KIF13B: variants seen among roughly 807,000 people sequenced by gnomAD.
The protein encoded by KIF13B is kinesin-like protein KIF13B.
Under a neutral mutation model 222.0 loss-of-function variants are expected in KIF13B, and 127 were observed. That is an observed-to-expected ratio of 0.57 (90% CI 0.50 to 0.66). The LOEUF (loss-of-function observed/expected upper bound fraction) is 0.66, where lower values mean the gene tolerates loss of function less well. Ranked by LOEUF, KIF13B falls within the 30% of genes least tolerant of loss-of-function variation. The probability of loss-of-function intolerance (pLI) is 0.00; values close to 1 mark genes in which losing one functional copy is unlikely to be tolerated. For missense variants in KIF13B, 2,173 were observed against 2,379.0 expected (o/e 0.91, Z 1.80); for synonymous variants, 976 against 919.0 (o/e 1.06, Z -1.12).
intron 38 of KIF13B, among the ~76,000 whole-genome samples, chr8:29,073,737 A>G (rs1053535572): frequency 4.6e-5 from 7 of 152,178 alleles, no homozygotes; most frequent in Non-Finnish European, 5.9e-5. Flanking sequence ...AGCTTGATAA[A>G]TCATGCGTTT....
chr8:29,075,034 T>C (rs1375810192), intron 38 of KIF13B, among the ~76,000 whole-genome samples: 3 of 152,266 alleles, frequency 2.0e-5, no homozygotes, highest in Non-Finnish European at 2.9e-5. Context: ...AGCTGTGGGC[T>C]ATTAAGGCAG....
chr8:29,209,673 A>G (rs1344314694), intron 2 of KIF13B, among the ~76,000 whole-genome samples: 22 of 152,160 alleles, frequency 1.4e-4, no homozygotes, highest in Admixed American at 1.4e-3. Context: ...GAACTGGCAC[A>G]AGCTTTGGAC....
At chr8:29,244,971 T>A (rs183874162) in intron 2 of KIF13B, among the ~76,000 whole-genome samples, 67 of 152,332 alleles carry the variant, frequency 4.4e-4, no homozygotes, top group African/African-American at 1.6e-3. Context: ...AAGATAGCAC[T>A]TGAAATGGGC....
intron 8 of KIF13B, among the ~76,000 whole-genome samples, chr8:29,179,394 G>A (rs1478097488): frequency 1.3e-5 from 2 of 152,228 alleles, no homozygotes; most frequent in Non-Finnish European, 1.5e-5. Context: ...TGGGATTACA[G>A]GTGTGAGGCA....
chr8:29,188,271 T>C (rs1234378953), intron 5 of KIF13B, among the ~76,000 whole-genome samples: 1 of 152,258 alleles, frequency 6.6e-6, no homozygotes, highest in Admixed American at 6.5e-5. Flanking sequence ...CATAGCTCTG[T>C]ATTTTTTCGA....
At chr8:29,101,811 A>AG (rs994923785) in intron 35 of KIF13B, among the ~76,000 whole-genome samples, 2 of 152,178 alleles carry the variant, frequency 1.3e-5, no homozygotes, top group Non-Finnish European at 2.9e-5. Flanking sequence ...TCTGCTTCAG[A>AG]GGGAGCAACC....
At chr8:29,109,877 C>G (rs758372262) in intron 33 of KIF13B, 41 bp downstream of exon 33, 13 of 1,601,894 alleles carry the variant, frequency 8.1e-6, no homozygotes, top group South Asian at 2.2e-5. Context: ...CAGCCTGCAT[C>G]AGGGCCTCTG....
rs1316021571 is a variant in KIF13B, at chr8:29,069,027, G to C, written c.*1477C>G. 1 of 152,230 alleles carries C rather than the reference G, an allele frequency of 6.6e-6. No individual in the cohort carries two copies. The highest frequency in any genetic ancestry group is 2.4e-5 in the African/African-American group (1 of 41,446). 9.4% of individuals were successfully genotyped at this position (152,230 alleles called of 1,614,324 possible). A position where few individuals can be genotyped will look rare whatever the true frequency, so the allele number is the denominator to read the frequency against. On this transcript the variant is annotated 3_prime_UTR_variant, in exon 40 of 40. Transcript: ENST00000524189. ...AGGGCTGGGACAGGCCCACCATGGA[G>C]ACTACTCTGTTGGCGCCTTCAAGTC...
chr8:29,190,769 GA>G, intron 4 of KIF13B: 1 of 531,982 alleles, frequency 1.9e-6, no homozygotes, highest in Non-Finnish European at 3.4e-6. Flanking sequence ...GAGAGCATCG[GA>G]ACTGAGTTAG....
chr8:29,222,472 C>T (rs942925040), intron 2 of KIF13B, among the ~76,000 whole-genome samples: 1 of 144,720 alleles, frequency 6.9e-6, no homozygotes, highest in Non-Finnish European at 1.5e-5. Flanking sequence ...AAAATCATAG[C>T]CCATTTTAAC....
intron 37 of KIF13B, among the ~76,000 whole-genome samples, chr8:29,078,352 C>T (rs1395861779): frequency 1.3e-5 from 2 of 150,416 alleles, no homozygotes; most frequent in Non-Finnish European, 3.0e-5. Flanking sequence ...ATAAATAGAA[C>T]GGGTGTGAAC....
intron 2 of KIF13B, among the ~76,000 whole-genome samples, chr8:29,196,990 A>C (rs1038816637): frequency 2.0e-5 from 3 of 152,006 alleles, no homozygotes; most frequent in African/African-American, 7.3e-5. Flanking sequence ...CTAACCTCCC[A>C]CCTTCCTCCC....
chr8:29,197,632 G>C (rs1187159261), intron 2 of KIF13B, among the ~76,000 whole-genome samples: 1 of 152,054 alleles, frequency 6.6e-6, no homozygotes, highest in African/African-American at 2.4e-5. Context: ...ACAGAAAACA[G>C]TCATGGGTTC....
Position 29,070,075 on chromosome 8 carries a change from G to A in KIF13B, c.*429C>T. Reference sequence around the variant, plus strand: ...TGAGCCAGGACATCCTGGGTGGGTGGGGGGGCTTGCCCTCCAGTGGGGAGG... The same window carrying A: ...TGAGCCAGGACATCCTGGGTGGGTGAGGGGGCTTGCCCTCCAGTGGGGAGG... On this transcript the variant is annotated 3_prime_UTR_variant, in exon 40 of 40. Coordinates refer to ENST00000524189, the MANE Select transcript of KIF13B (RefSeq NM_015254.4). The surrounding 1 kb of genome is among the most constrained non-coding windows in gnomAD (Gnocchi z 4.1). 1 of 174,742 alleles carries A rather than the reference G, an allele frequency of 5.7e-6. No individual in the cohort carries two copies. Among genetic ancestry groups the A allele is most frequent in the Non-Finnish European group, 1.2e-5 (1 of 83,578 alleles). The allele number at this position is 174,742 out of a possible 1,614,324, so 10.8% of individuals were successfully genotyped here. A position where few individuals can be genotyped will look rare whatever the true frequency, so the allele number is the denominator to read the frequency against.
rs1267078557 is a variant in KIF13B at position 29,191,023 on chromosome 8, T to A, written c.197A>T (p.Asp66Val). The A allele has an allele frequency of 6.2e-7, 1 of 1,612,850 alleles. No homozygotes were observed. The highest frequency in any genetic ancestry group is 1.3e-5 in the African/African-American group (1 of 74,888). Residue 66 changes from aspartate (D) to valine (V), a missense_variant, in exon 4 of 40, where the codon GAT (aspartate) becomes GTT (valine). Physicochemically the swap from Asp to Val is radical, Grantham distance 152. Coordinates refer to ENST00000524189, the MANE Select transcript of KIF13B (RefSeq NM_015254.4). Reference protein sequence around the residue: ...FAYDHCFWSMDESVKEKYAGQ... With the variant: ...FAYDHCFWSMVESVKEKYAGQ... ...TGCATACTTTTCTTTGACAGATTCA[T>A]CCATAGACCAGAAACAATGATCATA...
chr8:29,132,452 T>G lies in KIF13B; in HGVS notation c.2798A>C (p.Asn933Thr), dbSNP rs1457894146. 1 of 1,523,788 alleles carries G rather than the reference T, an allele frequency of 6.6e-7. No homozygotes were observed. The allele number at this position is 1,523,788 out of a possible 1,614,324, so 94.4% of individuals were successfully genotyped here. ...ATGCTCGATAAAGTCTTCGGTGATG[T>G]TAACAGAAAACTCCTGAAACACAAC... ...VFDHCNEFSVNITEDFIEHLS... is the reference protein window; with the variant it reads ...VFDHCNEFSVTITEDFIEHLS... Residue 933 changes from asparagine to threonine, a missense_variant, in exon 23 of 40, where the codon AAC becomes ACC. Physicochemically the swap from Asn to Thr is moderately conservative, Grantham distance 65 (BLOSUM62 0). Coordinates refer to ENST00000524189, the MANE Select transcript of KIF13B (RefSeq NM_015254.4).
chr8:29,096,620 A>G (rs1299637591), intron 36 of KIF13B, among the ~76,000 whole-genome samples: 4 of 152,094 alleles, frequency 2.6e-5, no homozygotes, highest in Non-Finnish European at 4.4e-5. Flanking sequence ...GAATAACGTC[A>G]TAAAGTGAGG....
chr8:29,213,080 G>C (rs1247961133), intron 2 of KIF13B, among the ~76,000 whole-genome samples: 1 of 152,014 alleles, frequency 6.6e-6, no homozygotes, highest in Non-Finnish European at 1.5e-5. Context: ...TTCAGTTTAT[G>C]GTCTGCCTTG....
chr8:29,138,610 C>T (rs1480213199), intron 21 of KIF13B: 1 of 152,238 alleles, frequency 6.6e-6, no homozygotes, highest in African/African-American at 2.4e-5. Flanking sequence ...AGGCCACCAC[C>T]TACAAAGCAC....
Sources: gnomAD v4.1 joint callset for allele counts (sites outside exome capture counted in the v4.1 genomes callset) on GRCh38, gnomAD v4.1.1 for gene constraint, Gnocchi (gnomAD v3.1) non-coding constraint, MANE v1.5 for transcripts, NCBI Gene and HGNC (gene_info 2026-07-23, HGNC 2026-07-21) for gene names.